LTBP4: variants seen among roughly 807,000 people sequenced by gnomAD.
LTBP4 encodes latent-transforming growth factor beta-binding protein 4.
Under a neutral mutation model 180.2 loss-of-function variants are expected in LTBP4, and 93 were observed. The ratio of observed to expected loss-of-function variants is 0.52; its 90% confidence interval spans 0.44 to 0.61. The LOEUF (loss-of-function observed/expected upper bound fraction) is 0.61. LTBP4 is among the 20% of genes least tolerant of loss of function. The pLI, the probability that LTBP4 is intolerant of heterozygous loss-of-function variation, is 0.00. For missense variants in LTBP4, 2,116 were observed against 2,256.5 expected (o/e 0.94, Z 1.26); for synonymous variants, 947 against 934.5 (o/e 1.01, Z -0.24).
Position 40,617,128 on chromosome 19 carries a change from C to T in LTBP4, c.2973C>T (p.Phe991=). ...QDVDECRNRS[F]CGAHAVCQNL... ...TGGACGAATGCCGGAACCGGTCCTTCTGCGGTGCCCACGCCGTGTGCCAGA... is the reference window on the plus strand; with the variant it reads ...TGGACGAATGCCGGAACCGGTCCTTTTGCGGTGCCCACGCCGTGTGCCAGA... Residue 991 remains phenylalanine, a synonymous_variant, in exon 21 of 30, where the codon TTC becomes TTT. Transcript: ENST00000396819. 1 of 1,614,016 alleles carries T rather than the reference C, an allele frequency of 6.2e-7. No homozygotes were observed. The highest frequency in any genetic ancestry group is 8.5e-7 in the Non-Finnish European group (1 of 1,179,896).
chr19:40,608,038 C>T (rs964595245), intron 7 of LTBP4, among the ~76,000 whole-genome samples, 182 bp from the exon 8 acceptor site: 1 of 152,214 alleles, frequency 6.6e-6, no homozygotes, highest in African/African-American at 2.4e-5. Flanking sequence ...CGCTCTTGGC[C>T]CCACCTGTAG....
upstream of LTBP4, among the ~76,000 whole-genome samples, chr19:40,601,042 T>C (rs941949334): frequency 4.6e-5 from 7 of 152,254 alleles, no homozygotes; most frequent in East Asian, 1.2e-3. Context: ...CCACTACTCT[T>C]AATGGATTTC....
chr19:40,627,940 G>C, intron 29 of LTBP4, 83 bp downstream of exon 29: 1 of 1,475,076 alleles, frequency 6.8e-7, no homozygotes, highest in Non-Finnish European at 9.0e-7. Flanking sequence ...AGGGGGTGCT[G>C]GTCAGGGACG....
In LTBP4 at chr19:40,605,207, C is replaced by T. The variant is rs1287736206; in HGVS notation, c.423C>T (p.Asn141=). 6.2e-7 allele frequency: 1 copy of T among 1,600,764 alleles called. No individual in the cohort carries two copies. The highest frequency in any genetic ancestry group is 8.5e-7 in the Non-Finnish European group (1 of 1,173,782). Residue 141 remains asparagine, a synonymous_variant, in exon 2 of 30, where the codon AAC becomes AAT. Transcript: ENST00000396819. This position sits in a 1 kb window ranked among gnomAD's most constrained non-coding sequence, Gnocchi z 5.5. Reference sequence around the variant, plus strand: ...CCGTGTACACTATGCCACTGGCCAACCACCGCGACGACGAGCACGGTGAGG... The same window carrying T: ...CCGTGTACACTATGCCACTGGCCAATCACCGCGACGACGAGCACGGTGAGG... The part of the protein sequence containing the change: ...TRSVYTMPLA[N]HRDDEHGVAS...
chr19:40,622,381 A>G lies in LTBP4; in HGVS notation c.3218-20A>G. On this transcript the variant is annotated intron_variant, in intron 22 of 29. Transcript: ENST00000396819. The surrounding 1 kb of genome is among the most constrained non-coding windows in gnomAD (Gnocchi z 5.1). ...CTGGGGATTCAGCCCACACTGGGCT[A>G]AAGCTCCTTGTCTCCCCAGGCACGT... The G allele has an allele frequency of 6.7e-7, 1 of 1,485,702 alleles. No homozygotes were observed. Among genetic ancestry groups the G allele is most frequent in the South Asian group, 1.4e-5 (1 of 73,948 alleles). 92.0% of individuals were successfully genotyped at this position (1,485,702 alleles called of 1,614,324 possible).
chr19:40,619,259 A>T (rs947296698), intron 21 of LTBP4, 88 bp from the exon 22 acceptor site: 9 of 1,360,724 alleles, frequency 6.6e-6, no homozygotes, highest in Non-Finnish European at 9.2e-6. Flanking sequence ...TATACACATT[A>T]TATTTGAAAG....
chr19:40,598,852 G>C (rs1864078), upstream of LTBP4, among the ~76,000 whole-genome samples: 72,617 of 152,058 alleles, frequency 0.48, 18,473 homozygotes, highest in African/African-American at 0.66. Flanking sequence ...CCCAGACAGT[G>C]CGGGCTTAGA....
chr19:40,604,280 C>T (rs2081443259), intron 1 of LTBP4, among the ~76,000 whole-genome samples: 1 of 151,864 alleles, frequency 6.6e-6, no homozygotes, highest in Non-Finnish European at 1.5e-5. Flanking sequence ...GGGGCACAGC[C>T]AGGGGGCGGA....
rs2081500606 is a variant in LTBP4, at chr19:40,610,822, G to A, written c.1810+165G>A. Reference sequence around the variant, plus strand: ...CTGATGGCAGTAGAGAGAGACCTGGGATGCAGAGGCCAAGTGATGGGAAAC... The same window carrying A: ...CTGATGGCAGTAGAGAGAGACCTGGAATGCAGAGGCCAAGTGATGGGAAAC... On this transcript the variant is annotated intron_variant, in intron 12 of 29. Coordinates refer to ENST00000396819, the MANE Select transcript of LTBP4 (RefSeq NM_001042545.2). 5 of 1,067,470 alleles carry A rather than the reference G, an allele frequency of 4.7e-6. No individual in the cohort carries two copies. The South Asian group carries it at 8.7e-5, about 19-fold the overall frequency. 66.1% of individuals were successfully genotyped at this position (1,067,470 alleles called of 1,614,324 possible). A position where few individuals can be genotyped will look rare whatever the true frequency, so the allele number is the denominator to read the frequency against.
chr19:40,599,700 G>A (rs1411621256), upstream of LTBP4: 4 of 737,574 alleles, frequency 5.4e-6, no homozygotes, highest in East Asian at 1.0e-4. Context: ...CTGTCTGTCC[G>A]TTTCTATTTC....
intron 19 of LTBP4, among the ~76,000 whole-genome samples, chr19:40,615,050 TCCGCCCACAGAC>T (rs1466311700): frequency 1.3e-5 from 2 of 152,020 alleles, no homozygotes; most frequent in Non-Finnish European, 2.9e-5. Context: ...CTATCTTTGC[TCCGCCCACAGAC>T]CCGCCCCTTG....
rs746448409 is a variant in LTBP4, at chr19:40,608,573, G to A, written c.1396G>A (p.Ala466Thr). 2.4e-5 allele frequency: 38 copies of A among 1,600,242 alleles called. No homozygotes were observed. The East Asian group carries it at 7.9e-4, about 33-fold the overall frequency. The change falls in exon 9 of 30, where the codon GCC becomes ACC. Residue 466 changes from alanine (A) to threonine (T), a missense_variant. Transcript: ENST00000396819. Reference sequence around the variant, plus strand: ...TGAGCTTCCCTTGCCCAGCATCCCTGCCTGGACTGGTCCTGAGATTCCTGA... The same window carrying A: ...TGAGCTTCCCTTGCCCAGCATCCCTACCTGGACTGGTCCTGAGATTCCTGA... ...GPELPLPSIP[A>T]WTGPEIPESG...
In LTBP4 at chr19:40,624,046, C is replaced by G. The variant is rs1599877209; in HGVS notation, c.3796C>G (p.Gln1266Glu). ...GCCCCCACTGGTGCTGGATGGCTCG[C>G]AGCGCCGCTGCGTCTCCAACGAGAG... ...CEPPLVLDGS[Q>E]RRCVSNESQS... is the part of the protein sequence containing the mutation. The change falls in exon 26 of 30, where the codon CAG becomes GAG. Residue 1266 changes from glutamine to glutamate, a missense_variant. This residue lies in a region of LTBP4 where 488 missense variants were observed against 458.8 expected (regional missense o/e 1.06). Coordinates refer to ENST00000396819, the MANE Select transcript of LTBP4 (RefSeq NM_001042545.2). 1.3e-6 allele frequency: 2 copies of G among 1,593,226 alleles called. No individual in the cohort carries two copies. The highest frequency in any genetic ancestry group is 4.5e-5 in the East Asian group (2 of 44,210).
intron 26 of LTBP4, among the ~76,000 whole-genome samples, chr19:40,625,253 TATATATA>T (rs2081616431): frequency 5.4e-4 from 1 of 1,850 alleles, no homozygotes; most frequent in South Asian, 0.019. Flanking sequence ...TTTTTGTATT[TATATATA>T]TATATATATA....
chr19:40,608,828 T>G, intron 9 of LTBP4: 1 of 449,820 alleles, frequency 2.2e-6, no homozygotes, highest in Non-Finnish European at 4.0e-6. Flanking sequence ...GGAGAATCAC[T>G]TGAACCCAGG....
In LTBP4 at chr19:40,605,295, A is replaced by G. The variant is rs1433759176; in HGVS notation, c.442+69A>G. On this transcript the variant is annotated intron_variant, in intron 2 of 29. Coordinates refer to ENST00000396819, the MANE Select transcript of LTBP4 (RefSeq NM_001042545.2). The surrounding 1 kb of genome is among the most constrained non-coding windows in gnomAD (Gnocchi z 5.5). ...ATTTCACTTTGCCCCTGACCCTCAT[A>G]TTTCCCGCCTTCCCGAGCACCTTTG... The G allele has an allele frequency of 1.9e-6, 3 of 1,558,010 alleles. No individual in the cohort carries two copies. The highest frequency in any genetic ancestry group is 1.4e-5 in the African/African-American group (1 of 73,434).
At chr19:40,610,929 A>G in intron 12 of LTBP4, 1 of 721,678 alleles carries the variant, frequency 1.4e-6, no homozygotes, top group East Asian at 2.7e-5. Context: ...GAGCAGAGTT[A>G]TGGAGGAAAG....
At chr19:40,610,721 G>T (rs1419944698) in intron 12 of LTBP4, 64 bp downstream of exon 12, 3 of 1,516,872 alleles carry the variant, frequency 2.0e-6, no homozygotes, top group South Asian at 1.3e-5. Context: ...CAGTGATGAG[G>T]GCCAGAGAGA....
At chr19:40,628,293 C>A (rs1248681587) in intron 29 of LTBP4, among the ~76,000 whole-genome samples, 1 of 152,214 alleles carries the variant, frequency 6.6e-6, no homozygotes, top group Admixed American at 6.5e-5. Flanking sequence ...GTAATCCCAG[C>A]ACTTTGGGAG....
Sources: allele counts gnomAD v4.1 joint callset (sites outside exome capture counted in the v4.1 genomes callset), GRCh38; gene constraint gnomAD v4.1.1; regional missense constraint gnomAD v4.1.1; non-coding constraint Gnocchi (gnomAD v3.1); transcripts MANE v1.5; gene names NCBI Gene and HGNC (gene_info 2026-07-23, HGNC 2026-07-21).